Variants in CSMD1 observed in about 807,000 individuals in gnomAD.
The protein encoded by CSMD1 is CUB and Sushi multiple domains 1, also known as CUB and sushi domain-containing protein 1.
In CSMD1, 213 loss-of-function variants were observed where a neutral mutation model predicts 417.5. The ratio of observed to expected loss-of-function variants is 0.51; its 90% CI spans 0.46 to 0.57. The LOEUF (loss-of-function observed/expected upper bound fraction) is 0.57. CSMD1 is among the 20% of genes least tolerant of loss of function. CSMD1 has a pLI of 0.00. For synonymous variants in CSMD1, 2,862 were observed against 1,736.8 expected, an observed-to-expected ratio of 1.65 and a Z score of -16.11; for missense variants, 6,923 against 4,529.7, an observed-to-expected ratio of 1.53 and a Z score of -15.17.
intron 1 of CSMD1, among the ~76,000 whole-genome samples, chr8:4,927,553 T>A (rs1359314497): frequency 2.0e-5 from 3 of 152,074 alleles, no homozygotes; most frequent in Non-Finnish European, 4.4e-5. Context: ...GGGCAACAAC[T>A]AGCATGTAAG....
chr8:3,462,129 C>G (rs995940193), intron 12 of CSMD1, among the ~76,000 whole-genome samples: 2 of 152,208 alleles, frequency 1.3e-5, no homozygotes, highest in East Asian at 1.9e-4. Flanking sequence ...CAGGCCCCCC[C>G]CCCCACCTCC....
At chr8:4,042,473 G>T (rs929156821) in intron 3 of CSMD1, among the ~76,000 whole-genome samples, 1 of 151,868 alleles carries the variant, frequency 6.6e-6, no homozygotes, top group African/African-American at 2.4e-5. Flanking sequence ...AATATCACAG[G>T]GTAGAGAAAC....
chr8:4,106,702 G>A (rs1222154190), intron 3 of CSMD1, among the ~76,000 whole-genome samples: 1 of 152,042 alleles, frequency 6.6e-6, no homozygotes, highest in Non-Finnish European at 1.5e-5. Context: ...AAGTCTTTAA[G>A]ATCTGATGTG....
rs1554507974 is a variant in CSMD1 at position 3,083,610 on chromosome 8, TTATATATATATATA to T, written c.7474+3473_7474+3486del. Reference sequence around the variant, plus strand: ...TCCACGGTGACAGTTACCATAATTTTTATATATATATATATATATATATATATATATATATATAT... The same window carrying T: ...TCCACGGTGACAGTTACCATAATTTTTATATATATATATATATATATATAT... On this transcript the variant is annotated intron_variant, in intron 49 of 69. Coordinates refer to ENST00000635120, the MANE Select transcript of CSMD1 (RefSeq NM_033225.6). Among the ~76,000 whole-genome samples the T allele has an allele frequency of 1.5e-3, 45 of 30,918 alleles. 1 individual carries two copies. Among genetic ancestry groups the T allele is most frequent in the African/African-American group, 5.3e-3 (38 of 7,220 alleles). 20.3% of individuals were successfully genotyped at this position (30,918 alleles called of 152,430 possible).
At chr8:4,754,650 G>C (rs1811554901) in intron 1 of CSMD1, among the ~76,000 whole-genome samples, 1 of 151,782 alleles carries the variant, frequency 6.6e-6, no homozygotes, top group African/African-American at 2.4e-5. Flanking sequence ...AGGAGATCGA[G>C]ACAATCCTGG....
chr8:3,249,693 T>A (rs553058909), intron 26 of CSMD1, among the ~76,000 whole-genome samples: 1 of 152,116 alleles, frequency 6.6e-6, no homozygotes, highest in Admixed American at 6.6e-5. Context: ...AAATTTTGAG[T>A]GAAAAAGAAA....
At chr8:4,808,842 G>C (rs1422763203) in intron 1 of CSMD1, among the ~76,000 whole-genome samples, 1 of 152,272 alleles carries the variant, frequency 6.6e-6, no homozygotes, top group Non-Finnish European at 1.5e-5. Flanking sequence ...TGATTTAAAA[G>C]TTATCTCTCC....
At chr8:3,297,191 G>C (rs892075323) in intron 25 of CSMD1, among the ~76,000 whole-genome samples, 1 of 152,090 alleles carries the variant, frequency 6.6e-6, no homozygotes, top group African/African-American at 2.4e-5. Context: ...TAAATAAATG[G>C]AGAGGTATAC....
intron 5 of CSMD1, among the ~76,000 whole-genome samples, chr8:3,824,022 T>C (rs1801899539): frequency 6.6e-6 from 1 of 152,178 alleles, no homozygotes; most frequent in East Asian, 1.9e-4. Flanking sequence ...TGTGCCTGAA[T>C]ATTCCCTCTG....
chr8:4,544,755 C>T (rs1013573104), intron 2 of CSMD1, among the ~76,000 whole-genome samples: 1 of 152,134 alleles, frequency 6.6e-6, no homozygotes, highest in Non-Finnish European at 1.5e-5. Context: ...AGAGCAAATC[C>T]ATTTTTGAAG....
chr8:3,859,180 CT>C (rs1485837301), intron 5 of CSMD1, among the ~76,000 whole-genome samples: 1 of 152,176 alleles, frequency 6.6e-6, no homozygotes, highest in African/African-American at 2.4e-5. Context: ...ACAACAGGCT[CT>C]CTAAATATGT....
intron 3 of CSMD1, among the ~76,000 whole-genome samples, chr8:4,143,807 G>A (rs569165888): frequency 6.6e-6 from 1 of 151,366 alleles, no homozygotes; most frequent in South Asian, 2.1e-4. Context: ...AGCTGTTCCA[G>A]GGCCTAGTTA....
At chr8:3,795,988 GATATATATCTATCATGT>G in intron 5 of CSMD1, among the ~76,000 whole-genome samples, 1 of 61,344 alleles carries the variant, frequency 1.6e-5, no homozygotes, top group African/African-American at 5.4e-5. Flanking sequence ...TACAGATATA[GATATATATCTATCATGT>G]ATATAGATAT....
intron 5 of CSMD1, among the ~76,000 whole-genome samples, chr8:3,956,977 T>G (rs1322999932): frequency 1.3e-5 from 2 of 152,312 alleles, no homozygotes; most frequent in African/African-American, 4.8e-5. Flanking sequence ...TGGACCTGTT[T>G]TTCTTGTGGG....
At position 4,162,181 on chromosome 8, in the gene CSMD1, C is replaced by G. The variant is rs1797213006; in HGVS notation, c.416-130082G>C. 2.6e-5 allele frequency among the ~76,000 whole-genome samples: 4 copies of G among 152,284 alleles called. No homozygotes were observed. The South Asian group carries it at 6.2e-4, about 24-fold the overall frequency. On this transcript the variant is annotated intron_variant, in intron 3 of 69. Transcript: ENST00000635120. ...TAGTTTCCCTGCCTGCTTTGCGCAA[C>G]TTTTCTTTCCAAAATTATATGCATG...
chr8:4,936,130 G>A (rs79711769), intron 1 of CSMD1, among the ~76,000 whole-genome samples: 1,960 of 152,278 alleles, frequency 0.013, 18 homozygotes, highest in Non-Finnish European at 0.019. Context: ...TTTCTGTCCT[G>A]TTCCACATAA....
chr8:3,064,680 TA>T (rs1812802952), intron 49 of CSMD1, among the ~76,000 whole-genome samples: 1 of 152,132 alleles, frequency 6.6e-6, no homozygotes, highest in African/African-American at 2.4e-5. Flanking sequence ...CTGCTGAGAA[TA>T]AAAACATCCC....
intron 3 of CSMD1, among the ~76,000 whole-genome samples, chr8:4,199,580 A>C (rs1325970592): frequency 6.6e-6 from 1 of 152,172 alleles, no homozygotes; most frequent in Non-Finnish European, 1.5e-5. Flanking sequence ...GACAACAGAC[A>C]AACCAATTTA....
chr8:4,507,137 T>G (rs970256086), intron 2 of CSMD1, among the ~76,000 whole-genome samples: 4 of 152,176 alleles, frequency 2.6e-5, no homozygotes, highest in Non-Finnish European at 5.9e-5. Context: ...AGATTAAACT[T>G]TTACATTCTT....
Sources: gnomAD v4.1 joint callset for allele counts (sites outside exome capture counted in the v4.1 genomes callset) on GRCh38, gnomAD v4.1.1 for gene constraint, MANE v1.5 for transcripts, NCBI Gene and HGNC (gene_info 2026-07-23, HGNC 2026-07-21) for gene names.